Variants in CDH4 observed in about 807,000 individuals in gnomAD.
CDH4 encodes cadherin 4, also known as cadherin-4.
In CDH4, 33 loss-of-function variants were observed where a neutral mutation model predicts 86.0. That is an observed-to-expected ratio of 0.38 (90% CI 0.29 to 0.51). The LOEUF is 0.51. Among genes scored for constraint, CDH4 ranks in the 20% least tolerant of loss-of-function variants. CDH4 has a pLI of 0.86. For synonymous variants in CDH4, 555 were observed against 549.4 expected (o/e 1.01, Z -0.14); for missense variants, 1,114 against 1,307.4 (o/e 0.85, Z 2.28).
At chr20:61,625,472 A>G (rs1450753785) in intron 2 of CDH4, among the ~76,000 whole-genome samples, 1 of 152,176 alleles carries the variant, frequency 6.6e-6, no homozygotes, top group African/African-American at 2.4e-5. Context: ...CAAAGAGCGC[A>G]TGTGGGAGTC....
rs2086800657 is a variant in CDH4 at position 61,623,741 on chromosome 20, A to G, written c.170-119822A>G. Among the ~76,000 whole-genome samples the G allele has an allele frequency of 6.6e-6, 1 of 152,094 alleles. No homozygotes were observed. The highest frequency in any genetic ancestry group is 2.1e-4 in the South Asian group (1 of 4,810). On this transcript the variant is annotated intron_variant, in intron 2 of 15. Coordinates refer to ENST00000614565, the MANE Select transcript of CDH4 (RefSeq NM_001794.5). The surrounding 1 kb of genome is among the most constrained non-coding windows in gnomAD (Gnocchi z 4.4). The stretch of plus-strand genomic sequence containing the variant: ...TCACTGAGCGCAAAGTATTTTTGCA[A>G]TCAGAAAATAAAAGGTACCCAGAAT...
intron 2 of CDH4, among the ~76,000 whole-genome samples, chr20:61,679,390 G>C (rs542173041): frequency 6.6e-6 from 1 of 152,190 alleles, no homozygotes; most frequent in Non-Finnish European, 1.5e-5. Flanking sequence ...GGTGAGGGGT[G>C]GGTCCCAGGT....
At chr20:61,905,210 T>A (rs1235528303) in intron 8 of CDH4, among the ~76,000 whole-genome samples, 1 of 152,108 alleles carries the variant, frequency 6.6e-6, no homozygotes, top group Non-Finnish European at 1.5e-5. Context: ...AAAAATTAAA[T>A]TTAAAAGTCA....
chr20:61,718,903 G>C (rs749133753), intron 2 of CDH4: 61 of 471,080 alleles, frequency 1.3e-4, no homozygotes, highest in Middle Eastern at 3.2e-4. Flanking sequence ...TCTGCTGCTT[G>C]TTGGAGCTCT....
chr20:61,573,922 T>G (rs1427673521), intron 2 of CDH4, among the ~76,000 whole-genome samples: 1 of 152,146 alleles, frequency 6.6e-6, no homozygotes, highest in East Asian at 1.9e-4. Context: ...TGCAGCCCCT[T>G]CCTCCCTCCC....
chr20:61,524,780 A>G (rs1376724206), intron 2 of CDH4, among the ~76,000 whole-genome samples: 1 of 152,164 alleles, frequency 6.6e-6, no homozygotes, highest in African/African-American at 2.4e-5. Flanking sequence ...ACCACACCTG[A>G]CCAACTGTTT....
Position 61,828,792 on chromosome 20 carries a change from C to A in CDH4, c.577-15876C>A, listed in dbSNP as rs1421192334. ...CTAGGCATGATTATTTTACCTGCCT[C>A]AGCGTATGCTTGTAAAGATAAGATA... is the stretch of plus-strand genomic sequence containing the variant. On this transcript the variant is annotated intron_variant, in intron 4 of 15. Coordinates refer to ENST00000614565, the MANE Select transcript of CDH4 (RefSeq NM_001794.5). Among the ~76,000 whole-genome samples, 3 of 152,240 alleles carry A rather than the reference C, an allele frequency of 2.0e-5. No homozygotes were observed. The East Asian group carries it at 5.8e-4, about 29-fold the overall frequency.
intron 2 of CDH4, among the ~76,000 whole-genome samples, chr20:61,685,524 G>T (rs2087564201): frequency 6.6e-6 from 1 of 152,232 alleles, no homozygotes; most frequent in African/African-American, 2.4e-5. Flanking sequence ...CCTCTGGATT[G>T]CAAAGGCCGC....
intron 2 of CDH4, among the ~76,000 whole-genome samples, chr20:61,682,417 T>C (rs533220919): frequency 3.1e-5 from 3 of 96,878 alleles, no homozygotes; most frequent in Admixed American, 1.5e-4. Context: ...GAGGGACAGA[T>C]GGAAGGATGG....
In CDH4 at chr20:61,429,981, A is replaced by G. The variant is rs184220609; in HGVS notation, c.169+175044A>G. On this transcript the variant is annotated intron_variant, in intron 2 of 15. Transcript: ENST00000614565. The stretch of plus-strand genomic sequence containing the variant: ...TGTGTGCCGAGCATGGCTTGGAGCC[A>G]TGCTTCTCACCTGGAGATGCCCTTA... Among the ~76,000 whole-genome samples, 7 of 152,336 alleles carry G rather than the reference A, an allele frequency of 4.6e-5. No individual in the cohort carries two copies. In the East Asian group the frequency reaches 1.4e-3, roughly 29 times the overall value.
intron 2 of CDH4, among the ~76,000 whole-genome samples, chr20:61,620,316 G>GGA (rs2086764990): frequency 2.0e-5 from 3 of 150,452 alleles, no homozygotes; most frequent in African/African-American, 7.4e-5. Flanking sequence ...AGATAGGTAG[G>GGA]TAGATGGATG....
At chr20:61,682,214 A>T (rs555041005) in intron 2 of CDH4, among the ~76,000 whole-genome samples, 1 of 151,932 alleles carries the variant, frequency 6.6e-6, no homozygotes, top group South Asian at 2.1e-4. Context: ...GGACAGATGG[A>T]TAGAGAAATG....
intron 4 of CDH4, among the ~76,000 whole-genome samples, chr20:61,776,174 C>G (rs908423445): frequency 6.6e-6 from 1 of 152,204 alleles, no homozygotes; most frequent in African/African-American, 2.4e-5. Context: ...GCCCACCTTA[C>G]GCCACATCTG....
intron 2 of CDH4, among the ~76,000 whole-genome samples, chr20:61,307,681 A>G (rs989198375): frequency 6.6e-6 from 1 of 152,200 alleles, no homozygotes; most frequent in East Asian, 1.9e-4. Flanking sequence ...GGGAAACTAC[A>G]TCAGGAAGAG....
At position 61,326,237 on chromosome 20, in the gene CDH4, A is replaced by G. The variant is rs6129100; in HGVS notation, c.169+71300A>G. On this transcript the variant is annotated intron_variant, in intron 2 of 15. Transcript: ENST00000614565. Reference sequence around the variant, plus strand: ...CCTTGTTTTAGGAAGGGCTTAGCCCAAAGTTTAGCTCATACTAGGTTTTGT... The same window carrying G: ...CCTTGTTTTAGGAAGGGCTTAGCCCGAAGTTTAGCTCATACTAGGTTTTGT... Among the ~76,000 whole-genome samples the G allele has an allele frequency of 1.1e-4, 17 of 152,354 alleles. No individual in the cohort carries two copies. The East Asian group carries it at 3.1e-3, about 28-fold the overall frequency.
intron 2 of CDH4, among the ~76,000 whole-genome samples, chr20:61,734,963 G>A (rs1013448149): frequency 3.3e-5 from 5 of 152,058 alleles, no homozygotes; most frequent in South Asian, 2.1e-4. Flanking sequence ...GGTGGGCCTC[G>A]GGCAGGCGCC....
intron 2 of CDH4, among the ~76,000 whole-genome samples, chr20:61,627,121 G>A (rs994530430): frequency 1.3e-5 from 2 of 152,128 alleles, no homozygotes; most frequent in Admixed American, 6.5e-5. Context: ...GGCTTCTGGG[G>A]GCAGCAGGAG....
chr20:61,729,934 T>A (rs2088158867), intron 2 of CDH4, among the ~76,000 whole-genome samples: 1 of 152,002 alleles, frequency 6.6e-6, no homozygotes, highest in East Asian at 1.9e-4. Flanking sequence ...GGAGACAGAG[T>A]GTTTTGTTTT....
At position 61,727,385 on chromosome 20, in the gene CDH4, C is replaced by T. The variant is rs375653173; in HGVS notation, c.170-16178C>T. On this transcript the variant is annotated intron_variant, in intron 2 of 15. Coordinates refer to ENST00000614565, the MANE Select transcript of CDH4 (RefSeq NM_001794.5). ...ATCATCATCAGTGCCATCACTATCT[C>T]TCTTATCACCATTGCTGCCATCATC... is the stretch of plus-strand genomic sequence containing the variant. Among the ~76,000 whole-genome samples, 135 of 152,154 alleles carry T rather than the reference C, an allele frequency of 8.9e-4. 2 individuals carry two copies. Among genetic ancestry groups the T allele is most frequent in the African/African-American group, 3.1e-3 (129 of 41,544 alleles).
Sources: gnomAD v4.1 joint callset for allele counts (sites outside exome capture counted in the v4.1 genomes callset) on GRCh38, gnomAD v4.1.1 for gene constraint, Gnocchi (gnomAD v3.1) non-coding constraint, MANE v1.5 for transcripts, NCBI Gene and HGNC (gene_info 2026-07-23, HGNC 2026-07-21) for gene names.